SLC39A11: variants seen among roughly 807,000 people sequenced by gnomAD.
SLC39A11 encodes zinc transporter ZIP11.
SLC39A11 carries 33 observed loss-of-function variants against 36.1 expected under a neutral mutation model. The observed-to-expected ratio is 0.91, with a 90% confidence interval of 0.69 to 1.22. The LOEUF (loss-of-function observed/expected upper bound fraction) is 1.22. Among genes scored for constraint, SLC39A11 ranks in the 50% most tolerant of loss-of-function variants. SLC39A11 has a pLI of 0.00. For missense variants in SLC39A11, 432 were observed against 430.3 expected (o/e 1.00, Z -0.03); for synonymous variants, 166 against 170.3 (o/e 0.97, Z 0.20).
At chr17:72,897,423 T>C (rs1290374850) in intron 5 of SLC39A11, among the ~76,000 whole-genome samples, 2 of 152,224 alleles carry the variant, frequency 1.3e-5, no homozygotes, top group Admixed American at 6.5e-5. Context: ...GCATCTGTAC[T>C]GGATGGTACA....
chr17:72,807,434 C>T (rs75336427), intron 6 of SLC39A11, among the ~76,000 whole-genome samples: 1,706 of 152,142 alleles, frequency 0.011, 27 homozygotes, highest in African/African-American at 0.038. Flanking sequence ...TGTTAACACC[C>T]GAGTTTATGC....
At chr17:72,821,233 T>C (rs2077766642) in intron 6 of SLC39A11, among the ~76,000 whole-genome samples, 1 of 150,670 alleles carries the variant, frequency 6.6e-6, no homozygotes, top group East Asian at 1.9e-4. Context: ...CCAGGCACAG[T>C]GGCTCAGGCC....
chr17:72,952,931 C>G (rs988094564), intron 4 of SLC39A11, among the ~76,000 whole-genome samples: 1 of 152,198 alleles, frequency 6.6e-6, no homozygotes, highest in Non-Finnish European at 1.5e-5. Context: ...CTGAATAGTT[C>G]AAGTGTGCTG....
chr17:72,814,451 G>A (rs1401515301), intron 6 of SLC39A11, among the ~76,000 whole-genome samples: 1 of 152,162 alleles, frequency 6.6e-6, no homozygotes, highest in Non-Finnish European at 1.5e-5. Flanking sequence ...GGCCAAATGA[G>A]GGCCACTGCA....
At chr17:73,062,404 G>A (rs1479055216) in intron 3 of SLC39A11, among the ~76,000 whole-genome samples, 1 of 137,748 alleles carries the variant, frequency 7.3e-6, no homozygotes, top group Non-Finnish European at 1.5e-5. Flanking sequence ...GGAGGTTACA[G>A]TGAGCTAAGA....
chr17:72,803,852 C>T (rs1415632219), intron 6 of SLC39A11, among the ~76,000 whole-genome samples: 1 of 152,072 alleles, frequency 6.6e-6, no homozygotes, highest in East Asian at 1.9e-4. Context: ...TTCTTGCTTC[C>T]GGGTCAGATG....
intron 3 of SLC39A11, among the ~76,000 whole-genome samples, chr17:73,051,419 T>C (rs1346210202): frequency 6.6e-6 from 1 of 152,108 alleles, no homozygotes; most frequent in African/African-American, 2.4e-5. Flanking sequence ...GAGGACATTT[T>C]CCAACCCAAG....
chr17:72,758,385 T>C (rs548658010), intron 6 of SLC39A11, among the ~76,000 whole-genome samples: 1 of 152,328 alleles, frequency 6.6e-6, no homozygotes, highest in East Asian at 1.9e-4. Context: ...CCCTATTCAA[T>C]CAACATTCCC....
intron 5 of SLC39A11, among the ~76,000 whole-genome samples, chr17:72,923,098 C>T (rs1452520234): frequency 6.7e-6 from 1 of 149,834 alleles, no homozygotes; most frequent in Non-Finnish European, 1.5e-5. Flanking sequence ...TTGTCATTTT[C>T]TATCTAACAC....
chr17:73,031,596 G>A lies in SLC39A11; in HGVS notation c.266C>T (p.Ala89Val), dbSNP rs202154945. 7.9e-5 allele frequency: 127 copies of A among 1,614,024 alleles called. No homozygotes were observed. Among genetic ancestry groups the A allele is most frequent in the Non-Finnish European group, 6.4e-5 (76 of 1,180,044 alleles). Residue 89 changes from alanine to valine, a missense_variant, in exon 4 of 10, where the codon GCG (alanine) becomes GTG (valine). Physicochemically the swap from Ala to Val is moderately conservative, Grantham distance 64. Transcript: ENST00000255559. Reference sequence around the variant, plus strand: ...GAGGTCAGCCAAGTAGACAAAAGCCGCTCCAAGGGTGAAGCCAACAGCCAC... The same window carrying A: ...GAGGTCAGCCAAGTAGACAAAAGCCACTCCAAGGGTGAAGCCAACAGCCAC... The part of the protein sequence containing the change: ...FPVAVGFTLG[A>V]AFVYLADLLM...
At chr17:73,060,288 T>C (rs557415238) in intron 3 of SLC39A11, among the ~76,000 whole-genome samples, 2 of 150,730 alleles carry the variant, frequency 1.3e-5, no homozygotes, top group East Asian at 3.9e-4. Context: ...GGGGGGTTTC[T>C]TTACCTTTTA....
intron 3 of SLC39A11, among the ~76,000 whole-genome samples, chr17:73,072,738 G>A (rs1237206707): frequency 6.6e-6 from 1 of 152,162 alleles, no homozygotes; most frequent in Non-Finnish European, 1.5e-5. Context: ...CTAGTGTTTG[G>A]GGGCTGGGAG....
At chr17:72,914,080 C>T (rs943209425) in intron 5 of SLC39A11, among the ~76,000 whole-genome samples, 2 of 150,686 alleles carry the variant, frequency 1.3e-5, no homozygotes, top group Non-Finnish European at 1.5e-5. Flanking sequence ...TTTGGGAGGC[C>T]GAGGTGGGTG....
intron 5 of SLC39A11, among the ~76,000 whole-genome samples, chr17:72,902,950 A>AG (rs1265009877): frequency 1.1e-5 from 1 of 94,974 alleles, no homozygotes; most frequent in Non-Finnish European, 2.0e-5. Flanking sequence ...AATTGTAGTT[A>AG]GAAAAAAAAG....
chr17:72,756,990 A>G (rs901882887), intron 6 of SLC39A11, among the ~76,000 whole-genome samples: 5 of 46,350 alleles, frequency 1.1e-4, no homozygotes, highest in East Asian at 6.0e-4. Context: ...TCTGCTAGGG[A>G]AAAAAAAAAA....
intron 3 of SLC39A11, among the ~76,000 whole-genome samples, chr17:73,061,033 A>T (rs937383185): frequency 2.0e-5 from 3 of 152,202 alleles, no homozygotes; most frequent in Admixed American, 6.5e-5. Flanking sequence ...CAGGTTTGTG[A>T]TTACTTTAAG....
At chr17:72,788,262 T>C (rs899669778) in intron 6 of SLC39A11, among the ~76,000 whole-genome samples, 1 of 152,220 alleles carries the variant, frequency 6.6e-6, no homozygotes, top group Non-Finnish European at 1.5e-5. Context: ...TATGCATCCA[T>C]GCTGGATCCA....
At chr17:72,657,329 C>T (rs2070177580) in intron 7 of SLC39A11, among the ~76,000 whole-genome samples, 2 of 152,168 alleles carry the variant, frequency 1.3e-5, no homozygotes, top group Admixed American at 6.5e-5. Flanking sequence ...CACCGCACTC[C>T]AGGCTGGGCA....
chr17:72,846,019 T>C (rs1057479326), intron 6 of SLC39A11, among the ~76,000 whole-genome samples: 11 of 20,382 alleles, frequency 5.4e-4, no homozygotes, highest in Admixed American at 2.8e-3. Context: ...TCTCTCTCTC[T>C]TTTTTTTTTT....
Sources: gnomAD v4.1 joint callset for allele counts (sites outside exome capture counted in the v4.1 genomes callset) on GRCh38, gnomAD v4.1.1 for gene constraint, MANE v1.5 for transcripts, NCBI Gene and HGNC (gene_info 2026-07-23, HGNC 2026-07-21) for gene names.